Variants in TFIP11 observed in about 807,000 individuals in gnomAD.
TFIP11 encodes tuftelin-interacting protein 11.
TFIP11 carries 86 observed loss-of-function variants against 96.8 expected under a neutral mutation model. The ratio of observed to expected loss-of-function variants is 0.89; its 90% CI spans 0.75 to 1.06. The LOEUF is 1.06. Ranked by LOEUF, TFIP11 falls within the 50% of genes least tolerant of loss-of-function variation. The pLI is 0.00. For missense variants in TFIP11, 881 were observed against 1,076.7 expected (o/e 0.82, Z 2.54); for synonymous variants, 405 against 395.2 (o/e 1.02, Z -0.29).
rs1480114669 is a variant in TFIP11, at chr22:26,498,894, C to T, written c.1411G>A (p.Asp471Asn). 6.2e-7 allele frequency: 1 copy of T among 1,613,930 alleles called. No homozygotes were observed. Among genetic ancestry groups the T allele is most frequent in the Non-Finnish European group, 8.5e-7 (1 of 1,179,990 alleles). ...CTGTGAAAGGCATCTGCTGAGAGGT[C>T]CTGTCCGCCATGGGACAAGAGCTGG... Reference protein sequence around the residue: ...NDQLLSHGGQDLSADAFHRLI... With the variant: ...NDQLLSHGGQNLSADAFHRLI... Residue 471 changes from aspartate to asparagine, a missense_variant, in exon 10 of 15, where the codon GAC becomes AAC. Asp to Asn is a conservative substitution (Grantham distance 23). Transcript: ENST00000407690.
chr22:26,509,921 A>G, intron 4 of TFIP11, 143 bp downstream of exon 4: 1 of 750,862 alleles, frequency 1.3e-6, no homozygotes, highest in African/African-American at 1.7e-5. Flanking sequence ...AGAGGAAACC[A>G]GACCTCTCGA....
chr22:26,499,331 GCTC>G lies in TFIP11; in HGVS notation c.1099_1101del (p.Glu367del), dbSNP rs761568374. 44 of 1,614,012 alleles carry G rather than the reference GCTC, an allele frequency of 2.7e-5. No individual in the cohort carries two copies. The highest frequency in any genetic ancestry group is 3.6e-5 in the Non-Finnish European group (42 of 1,180,036). On this transcript the variant is annotated inframe_deletion, in exon 9 of 15. Coordinates refer to ENST00000407690, the MANE Select transcript of TFIP11 (RefSeq NM_012143.4). Reference sequence around the variant, plus strand: ...ACCTTGCTGAGGTTCGAGATGACCCGCTCCTCGTGGTCCAGGACCTCGGTCATC... The same window carrying G: ...ACCTTGCTGAGGTTCGAGATGACCCGCTCGTGGTCCAGGACCTCGGTCATC...
At position 26,491,804 on chromosome 22, in the gene TFIP11, G is replaced by A. The variant is rs1921221050; in HGVS notation, c.*209C>T. 7 of 970,604 alleles carry A rather than the reference G, an allele frequency of 7.2e-6. No individual in the cohort carries two copies. The South Asian group carries it at 1.0e-4, about 14-fold the overall frequency. 60.1% of individuals were successfully genotyped at this position (970,604 alleles called of 1,614,324 possible). A position where few individuals can be genotyped will look rare whatever the true frequency, so the allele number is the denominator to read the frequency against. ...CATCAACTTGGCTGTCCTGTTTTGA[G>A]GACGATACCCCACATGAGGACTTGG... On this transcript the variant is annotated 3_prime_UTR_variant, in exon 15 of 15. Coordinates refer to ENST00000407690, the MANE Select transcript of TFIP11 (RefSeq NM_012143.4).
intron 12 of TFIP11, 75 bp from the exon 13 acceptor site, chr22:26,495,014 A>G: frequency 1.3e-6 from 2 of 1,587,320 alleles, no homozygotes; most frequent in Non-Finnish European, 1.7e-6. Context: ...AGCAAAGACA[A>G]TGTCCGTTTT....
At chr22:26,501,508 C>T (rs774195060) in intron 8 of TFIP11, among the ~76,000 whole-genome samples, 2 of 151,860 alleles carry the variant, frequency 1.3e-5, no homozygotes, top group African/African-American at 2.4e-5. Flanking sequence ...TCAAATAATA[C>T]AGCACAGCCA....
At chr22:26,503,423 T>C (rs976985274) in intron 7 of TFIP11, among the ~76,000 whole-genome samples, 1 of 152,138 alleles carries the variant, frequency 6.6e-6, no homozygotes, top group African/African-American at 2.4e-5. Flanking sequence ...CCAGCCTTAT[T>C]TTCTGTCTAG....
intron 14 of TFIP11, chr22:26,493,856 G>A: frequency 2.5e-6 from 1 of 406,790 alleles, no homozygotes; most frequent in Non-Finnish European, 4.6e-6. Context: ...CAGCACAGTG[G>A]TTAAGAGGGC....
Position 26,491,715 on chromosome 22 carries a change from C to A in TFIP11, c.*298G>T. The A allele has an allele frequency of 6.5e-7, 1 of 1,549,154 alleles. No individual in the cohort carries two copies. Among genetic ancestry groups the A allele is most frequent in the Non-Finnish European group, 8.8e-7 (1 of 1,135,170 alleles). ...CAGTGTTGGCTGAGGTAGAAGCTGC[C>A]ACCAGAGACTAAAGGGAAGGCTGCT... On this transcript the variant is annotated 3_prime_UTR_variant, in exon 15 of 15. Transcript: ENST00000407690.
intron 12 of TFIP11, among the ~76,000 whole-genome samples, chr22:26,495,737 CT>C (rs1921929845): frequency 6.6e-6 from 1 of 151,720 alleles, no homozygotes; most frequent in Non-Finnish European, 1.5e-5. Flanking sequence ...CTGGAAATAA[CT>C]CCCTAATAAT....
chr22:26,493,991 G>T, intron 14 of TFIP11, 148 bp downstream of exon 14: 1 of 825,812 alleles, frequency 1.2e-6, no homozygotes, highest in Non-Finnish European at 1.9e-6. Context: ...ACCCCAGTCA[G>T]CAGGGTGAGA....
intron 8 of TFIP11, among the ~76,000 whole-genome samples, chr22:26,500,965 G>A (rs1380762762): frequency 7.2e-6 from 1 of 139,342 alleles, no homozygotes; most frequent in African/African-American, 2.7e-5. Context: ...CTCACTGCAA[G>A]CTCCGCCTCC....
chr22:26,499,602 C>T lies in TFIP11; in HGVS notation c.831G>A (p.Lys277=), dbSNP rs759031471. The change falls in exon 9 of 15, where the codon AAG becomes AAA. Residue 277 remains lysine (K), a synonymous_variant. Coordinates refer to ENST00000407690, the MANE Select transcript of TFIP11 (RefSeq NM_012143.4). Reference sequence around the variant, plus strand: ...TGATCTGACTGTAGCTGTAGTAGACCTTCTGCTCCCGGCCTGTCATGTCTA... The same window carrying T: ...TGATCTGACTGTAGCTGTAGTAGACTTTCTGCTCCCGGCCTGTCATGTCTA... ...KVIDMTGREQ[K]VYYSYSQISH... is the part of the protein sequence containing the mutation. 1.9e-6 allele frequency: 3 copies of T among 1,613,302 alleles called. No homozygotes were observed. The South Asian group carries it at 3.3e-5, about 18-fold the overall frequency.
At chr22:26,510,344 T>C (rs1050936280) in intron 3 of TFIP11, 63 bp from the exon 4 acceptor site, 2 of 1,468,084 alleles carry the variant, frequency 1.4e-6, no homozygotes, top group African/African-American at 2.8e-5. Flanking sequence ...GAAGGATTCC[T>C]TGTGAGTCTC....
intron 4 of TFIP11, among the ~76,000 whole-genome samples, chr22:26,507,406 T>G (rs1221962251): frequency 6.6e-5 from 10 of 152,002 alleles, no homozygotes; most frequent in Non-Finnish European, 1.5e-4. Context: ...GCCATTAAAT[T>G]TATTTGAATG....
chr22:26,496,710 T>C lies in TFIP11; in HGVS notation c.1605+11A>G, dbSNP rs1436309525. 1 of 1,612,942 alleles carries C rather than the reference T, an allele frequency of 6.2e-7. No individual in the cohort carries two copies. Among genetic ancestry groups the C allele is most frequent in the Admixed American group, 1.7e-5 (1 of 60,006 alleles). On this transcript the variant is annotated intron_variant, in intron 11 of 14. Coordinates refer to ENST00000407690, the MANE Select transcript of TFIP11 (RefSeq NM_012143.4). ...AGTGATGACGACTGTTTCCCATGAC[T>C]CTCATCCCACCTCCTTTTGCAGCTT... is the stretch of plus-strand genomic sequence containing the variant.
At chr22:26,503,214 T>C (rs1264056716) in intron 7 of TFIP11, among the ~76,000 whole-genome samples, 1 of 152,072 alleles carries the variant, frequency 6.6e-6, no homozygotes, top group Non-Finnish European at 1.5e-5. Flanking sequence ...ATGCACTTCC[T>C]TCCCCTCTGC....
At chr22:26,506,107 C>G in intron 6 of TFIP11, 196 bp downstream of exon 6, 1 of 514,510 alleles carries the variant, frequency 1.9e-6, no homozygotes, top group Middle Eastern at 5.3e-4. Flanking sequence ...CCTTTCCTTG[C>G]TGTTGAAACA....
chr22:26,492,669 GC>G, intron 14 of TFIP11: 1 of 355,098 alleles, frequency 2.8e-6, no homozygotes, highest in Non-Finnish European at 5.3e-6. Flanking sequence ...AGAGTCCTCA[GC>G]CACTCTTCTG....
At chr22:26,499,919 G>A (rs1282541400) in intron 8 of TFIP11, among the ~76,000 whole-genome samples, 1 of 152,168 alleles carries the variant, frequency 6.6e-6, no homozygotes, top group Admixed American at 6.5e-5. Flanking sequence ...CTGAGTATTA[G>A]TAGATGTGAA....
Sources: gnomAD v4.1 joint callset for allele counts (sites outside exome capture counted in the v4.1 genomes callset) on GRCh38, gnomAD v4.1.1 for gene constraint, MANE v1.5 for transcripts, NCBI Gene and HGNC (gene_info 2026-07-23, HGNC 2026-07-21) for gene names.